ADAT1: variants seen among roughly 807,000 people sequenced by gnomAD.
The protein encoded by ADAT1 is adenosine deaminase tRNA specific 1.
In ADAT1, 58 loss-of-function variants were observed where a neutral mutation model predicts 58.6. That is an observed-to-expected ratio of 0.99 (90% CI 0.80 to 1.23). The LOEUF is 1.23. Among genes scored for constraint, ADAT1 ranks in the 50% most tolerant of loss-of-function variants. The probability of loss-of-function intolerance (pLI) is 0.00; values close to 1 mark genes in which losing one functional copy is unlikely to be tolerated. For missense variants in ADAT1, 741 were observed against 608.6 expected (o/e 1.22, Z -2.29); for synonymous variants, 254 against 220.8 (o/e 1.15, Z -1.33).
At chr16:75,612,930 CT>C in intron 5 of ADAT1, 69 bp from the exon 6 acceptor site, 2 of 1,537,534 alleles carry the variant, frequency 1.3e-6, no homozygotes, top group Non-Finnish European at 1.7e-6. Context: ...ACAATGGGAT[CT>C]CTTGGGAATT....
At position 75,618,583 on chromosome 16, in the gene ADAT1, T is replaced by C; in HGVS notation, c.293+3A>G. On this transcript the variant is annotated splice_donor_region_variant and intron_variant, in intron 4 of 9. Transcript: ENST00000564657. The stretch of plus-strand genomic sequence containing the variant: ...GAACCATACTCTGGAGATGTGGCTT[T>C]ACCTTTGGAAACTCCTTCTGGCTAT... 1 of 1,600,228 alleles carries C rather than the reference T, an allele frequency of 6.2e-7. No homozygotes were observed.
intron 8 of ADAT1, among the ~76,000 whole-genome samples, chr16:75,605,322 C>A (rs1212772470): frequency 1.3e-5 from 2 of 152,134 alleles, no homozygotes; most frequent in African/African-American, 4.8e-5. Context: ...CTCCTGACCT[C>A]AGGTTATCTG....
At chr16:75,615,978 T>G (rs2081703326) in intron 5 of ADAT1, among the ~76,000 whole-genome samples, 1 of 151,884 alleles carries the variant, frequency 6.6e-6, no homozygotes, top group Admixed American at 6.6e-5. Context: ...AAAACTCTTT[T>G]CTCATACTCT....
rs1189321073 is a variant in ADAT1, at chr16:75,620,887, C to T, written c.-21-67G>A. 25 of 1,360,174 alleles carry T rather than the reference C, an allele frequency of 1.8e-5. No homozygotes were observed. In the South Asian group the frequency reaches 2.6e-4, roughly 14 times the overall value. 84.3% of individuals were successfully genotyped at this position (1,360,174 alleles called of 1,614,324 possible). A position where few individuals can be genotyped will look rare whatever the true frequency, so the allele number is the denominator to read the frequency against. ...ACCAGTGCACGATGCTACAGCCTCT[C>T]ATATCCATGCTTCGAGTCTTTCAAA... On this transcript the variant is annotated intron_variant, in intron 1 of 9. Coordinates refer to ENST00000564657, the MANE Select transcript of ADAT1 (RefSeq NM_001324445.2).
rs1439598613 is a variant in ADAT1 at position 75,597,307 on chromosome 16, A to G, written c.*2909T>C. ...CAGGGAAGAAGGCCATGCGAGACAC[A>G]GACACAGAAGGCCATGTGAAGACGG... is the stretch of plus-strand genomic sequence containing the variant. On this transcript the variant is annotated 3_prime_UTR_variant, in exon 10 of 10. Coordinates refer to ENST00000564657, the MANE Select transcript of ADAT1 (RefSeq NM_001324445.2). 3 of 426,674 alleles carry G rather than the reference A, an allele frequency of 7.0e-6. No individual in the cohort carries two copies. Among genetic ancestry groups the G allele is most frequent in the African/African-American group, 2.0e-5 (1 of 49,280 alleles). 26.4% of individuals were successfully genotyped at this position (426,674 alleles called of 1,614,324 possible). A position where few individuals can be genotyped will look rare whatever the true frequency, so the allele number is the denominator to read the frequency against.
chr16:75,618,490 A>T, intron 4 of ADAT1, 96 bp downstream of exon 4: 1 of 807,848 alleles, frequency 1.2e-6, no homozygotes, highest in East Asian at 3.0e-5. Context: ...TGGGCAACAG[A>T]GCAAGACTCT....
In ADAT1 at chr16:75,608,516, G is replaced by A. The variant is rs2081430340; in HGVS notation, c.1190-193C>T. ...GTGGTTCATAATTCATTATTATTAT[G>A]ATAGCTAACAATCACTGAGCATTTA... On this transcript the variant is annotated intron_variant, in intron 7 of 9. Transcript: ENST00000564657. The A allele has an allele frequency of 6.8e-6, 4 of 585,186 alleles. No individual in the cohort carries two copies. The South Asian group carries it at 8.9e-5, about 13-fold the overall frequency. The allele number at this position is 585,186 out of a possible 1,614,324, so 36.2% of individuals were successfully genotyped here. A position where few individuals can be genotyped will look rare whatever the true frequency, so the allele number is the denominator to read the frequency against.
intron 3 of ADAT1, among the ~76,000 whole-genome samples, chr16:75,619,291 G>T (rs927643263): frequency 7.9e-5 from 12 of 151,698 alleles, no homozygotes; most frequent in African/African-American, 2.9e-4. Context: ...GGGAGGCCAA[G>T]GCAGGAGGAT....
intron 2 of ADAT1, 145 bp downstream of exon 2, chr16:75,620,485 AG>A: frequency 7.2e-7 from 1 of 1,388,700 alleles, no homozygotes; most frequent in Admixed American, 1.8e-5. Flanking sequence ...CCGCCATCAG[AG>A]GTACTGCGTC....
intron 6 of ADAT1, among the ~76,000 whole-genome samples, chr16:75,610,275 G>T (rs905788387): frequency 6.6e-6 from 1 of 151,714 alleles, no homozygotes; most frequent in Non-Finnish European, 1.5e-5. Context: ...TTTATGTACA[G>T]GTTTTTGTTA....
Position 75,618,589 on chromosome 16 carries a change from TG to T in ADAT1, c.289del (p.Gln97LysfsTer14), listed in dbSNP as rs1357326902. 10 of 1,604,338 alleles carry T rather than the reference TG, an allele frequency of 6.2e-6. No homozygotes were observed. The highest frequency in any genetic ancestry group is 8.5e-6 in the Non-Finnish European group (10 of 1,176,174). On this transcript the variant is annotated frameshift_variant, in exon 4 of 10. Coordinates refer to ENST00000564657, the MANE Select transcript of ADAT1 (RefSeq NM_001324445.2). LOFTEE classifies it high-confidence loss of function. ...HAEVIARRSF[Q>X]RYLLHQLQLA... Reference sequence around the variant, plus strand: ...TACTCTGGAGATGTGGCTTTACCTTTGGAAACTCCTTCTGGCTATGACCTCA... The same window carrying T: ...TACTCTGGAGATGTGGCTTTACCTTTGAAACTCCTTCTGGCTATGACCTCA...
intron 4 of ADAT1, among the ~76,000 whole-genome samples, chr16:75,617,879 G>A (rs1468858740): frequency 6.7e-6 from 1 of 148,552 alleles, no homozygotes; most frequent in Non-Finnish European, 1.5e-5. Context: ...TGAGCCCCAG[G>A]AATCCAACAC....
rs573560066 is a variant in ADAT1 at position 75,617,843 on chromosome 16, T to G, written c.294-571A>C. On this transcript the variant is annotated intron_variant, in intron 4 of 9. Coordinates refer to ENST00000564657, the MANE Select transcript of ADAT1 (RefSeq NM_001324445.2). ...ACTCATGCCTGTAAATCCGGCACTTTAGGAGGCTGAGGCAGGAGGATCGCT... is the reference window on the plus strand; with the variant it reads ...ACTCATGCCTGTAAATCCGGCACTTGAGGAGGCTGAGGCAGGAGGATCGCT... Among the ~76,000 whole-genome samples, 60 of 150,824 alleles carry G rather than the reference T, an allele frequency of 4.0e-4. 1 individual carries two copies. Among genetic ancestry groups the G allele is most frequent in the South Asian group, 1.1e-3 (5 of 4,760 alleles).
At chr16:75,602,389 C>T (rs757662177) in intron 9 of ADAT1, among the ~76,000 whole-genome samples, 3 of 152,224 alleles carry the variant, frequency 2.0e-5, no homozygotes, top group Non-Finnish European at 2.9e-5. Flanking sequence ...TTGGCTAGTA[C>T]TGATCTGTAG....
At position 75,598,929 on chromosome 16, in the gene ADAT1, C is replaced by A. The variant is rs1302242800; in HGVS notation, c.*1287G>T. 4 of 985,210 alleles carry A rather than the reference C, an allele frequency of 4.1e-6. No homozygotes were observed. The highest frequency in any genetic ancestry group is 4.8e-6 in the Non-Finnish European group (4 of 829,922). 61.0% of individuals were successfully genotyped at this position (985,210 alleles called of 1,614,324 possible). ...TTATAGCCACAAAATGCTGAAGAACCAATAAGGACCTTGAGTAACCCCAAC... is the reference window on the plus strand; with the variant it reads ...TTATAGCCACAAAATGCTGAAGAACAAATAAGGACCTTGAGTAACCCCAAC... On this transcript the variant is annotated 3_prime_UTR_variant, in exon 10 of 10. Transcript: ENST00000564657.
chr16:75,601,228 T>A (rs1269960953), intron 9 of ADAT1, among the ~76,000 whole-genome samples: 1 of 151,652 alleles, frequency 6.6e-6, no homozygotes, highest in African/African-American at 2.4e-5. Flanking sequence ...TAGTCCCAGC[T>A]ACCTGGGAGG....
At chr16:75,617,584 T>C (rs1017365401) in intron 4 of ADAT1, among the ~76,000 whole-genome samples, 5 of 151,646 alleles carry the variant, frequency 3.3e-5, no homozygotes, top group Admixed American at 6.6e-5. Context: ...TAGTGAGCTA[T>C]GATTCTGCCA....
At chr16:75,615,481 A>AT (rs2081674920) in intron 5 of ADAT1, among the ~76,000 whole-genome samples, 1 of 23,500 alleles carries the variant, frequency 4.3e-5, no homozygotes, top group African/African-American at 1.6e-4. Context: ...TTGATGAGCT[A>AT]AAAAAAAAAA....
chr16:75,597,315 A>G lies in ADAT1; in HGVS notation c.*2901T>C. 2.3e-6 allele frequency: 1 copy of G among 435,530 alleles called. No homozygotes were observed. Among genetic ancestry groups the G allele is most frequent in the Admixed American group, 2.5e-5 (1 of 40,014 alleles). The allele number at this position is 435,530 out of a possible 1,614,324, so 27.0% of individuals were successfully genotyped here. A position where few individuals can be genotyped will look rare whatever the true frequency, so the allele number is the denominator to read the frequency against. ...AAGGCCATGCGAGACACAGACACAGAAGGCCATGTGAAGACGGAGGGAGAA... is the reference window on the plus strand; with the variant it reads ...AAGGCCATGCGAGACACAGACACAGGAGGCCATGTGAAGACGGAGGGAGAA... On this transcript the variant is annotated 3_prime_UTR_variant, in exon 10 of 10. Coordinates refer to ENST00000564657, the MANE Select transcript of ADAT1 (RefSeq NM_001324445.2).
Sources: allele counts gnomAD v4.1 joint callset (sites outside exome capture counted in the v4.1 genomes callset), GRCh38; gene constraint gnomAD v4.1.1; transcripts MANE v1.5; gene names NCBI Gene and HGNC (gene_info 2026-07-23, HGNC 2026-07-21).